Variants in ITPR2 observed in about 807,000 individuals in gnomAD.
The protein encoded by ITPR2 is inositol 1,4,5-trisphosphate-gated calcium channel ITPR2.
ITPR2 carries 207 observed loss-of-function variants against 317.1 expected under a neutral mutation model. The observed-to-expected ratio is 0.65, with a 90% confidence interval of 0.58 to 0.73. The LOEUF (loss-of-function observed/expected upper bound fraction) is 0.73. Ranked by LOEUF, ITPR2 falls within the 30% of genes least tolerant of loss-of-function variation. ITPR2 has a pLI of 0.00. For synonymous variants in ITPR2, 1,156 were observed against 1,149.1 expected (o/e 1.01, Z -0.12); for missense variants, 2,613 against 3,284.0 (o/e 0.80, Z 4.99).
intron 9 of ITPR2, among the ~76,000 whole-genome samples, chr12:26,710,144 G>A (rs904760010): frequency 3.3e-5 from 5 of 152,128 alleles, no homozygotes; most frequent in African/African-American, 1.2e-4. Context: ...TGAAGCAAGA[G>A]GATTGCTTGA....
rs1565624329 is a variant in ITPR2 at position 26,589,831 on chromosome 12, A to AAC, written c.4380+5632_4380+5633dup. On this transcript the variant is annotated intron_variant, in intron 32 of 56. Transcript: ENST00000381340. ...TAAAAAATAAATAAATAAATAAATAAACATATATATATATATATATATACA... is the reference window on the plus strand; with the variant it reads ...TAAAAAATAAATAAATAAATAAATAAACACATATATATATATATATATATACA... 1.6e-4 allele frequency among the ~76,000 whole-genome samples: 4 copies of AAC among 24,440 alleles called. 1 individual carries two copies. Among genetic ancestry groups the AAC allele is most frequent in the South Asian group, 1.4e-3 (1 of 736 alleles). 16.0% of individuals were successfully genotyped at this position (24,440 alleles called of 152,430 possible).
At chr12:26,400,279 A>T in intron 52 of ITPR2, 21 bp from the exon 53 acceptor site, 1 of 1,424,428 alleles carries the variant, frequency 7.0e-7, no homozygotes, top group Non-Finnish European at 9.5e-7. Context: ...ACATACAAAT[A>T]TATGATATAA....
chr12:26,738,559 A>G (rs2137077029), intron 2 of ITPR2, among the ~76,000 whole-genome samples: 1 of 151,890 alleles, frequency 6.6e-6, no homozygotes, highest in East Asian at 1.9e-4. Flanking sequence ...CTCTTCCTCT[A>G]TTTTTTAGCT....
At chr12:26,463,696 AAC>A (rs980052937) in intron 45 of ITPR2, among the ~76,000 whole-genome samples, 10 of 82,052 alleles carry the variant, frequency 1.2e-4, no homozygotes, top group African/African-American at 3.6e-4. Context: ...CAAACAAACA[AAC>A]AAAAAAAAAA....
intron 22 of ITPR2, among the ~76,000 whole-genome samples, chr12:26,630,446 GAA>G (rs201985913): frequency 4.2e-4 from 60 of 141,716 alleles, no homozygotes; most frequent in Admixed American, 1.9e-3. Context: ...TGATGGGGGG[GAA>G]AAAAAAAAAG....
intron 2 of ITPR2, among the ~76,000 whole-genome samples, chr12:26,746,449 C>A (rs985724025): frequency 1.3e-5 from 2 of 152,184 alleles, no homozygotes; most frequent in African/African-American, 4.8e-5. Context: ...CAATTTGCCA[C>A]TCTAAAACAT....
At chr12:26,586,282 C>A (rs1945525713) in intron 32 of ITPR2, among the ~76,000 whole-genome samples, 2 of 151,918 alleles carry the variant, frequency 1.3e-5, no homozygotes, top group African/African-American at 4.8e-5. Context: ...GTAGCTGGGA[C>A]TACAGGCATA....
chr12:26,733,742 G>A (rs1949067497), intron 2 of ITPR2, among the ~76,000 whole-genome samples: 1 of 152,106 alleles, frequency 6.6e-6, no homozygotes, highest in African/African-American at 2.4e-5. Flanking sequence ...AGCATTGATT[G>A]AGCAAGCCAC....
intron 55 of ITPR2, among the ~76,000 whole-genome samples, chr12:26,356,973 T>G (rs1938660453): frequency 6.6e-6 from 1 of 152,204 alleles, no homozygotes; most frequent in Non-Finnish European, 1.5e-5. Flanking sequence ...CATGTAAAAC[T>G]TGTTTCTAAT....
intron 47 of ITPR2, among the ~76,000 whole-genome samples, chr12:26,436,555 G>A (rs1565525869): frequency 1.3e-5 from 2 of 152,112 alleles, no homozygotes; most frequent in Non-Finnish European, 2.9e-5. Flanking sequence ...TCATCCTTCA[G>A]CCAGTTTAGG....
chr12:26,694,143 A>G (rs1228254525), intron 10 of ITPR2, among the ~76,000 whole-genome samples: 1 of 152,230 alleles, frequency 6.6e-6, no homozygotes, highest in Non-Finnish European at 1.5e-5. Flanking sequence ...TAGCAAGGCC[A>G]TACTGTTCTC....
chr12:26,709,450 A>G (rs1390556782), intron 9 of ITPR2, among the ~76,000 whole-genome samples: 1 of 152,200 alleles, frequency 6.6e-6, no homozygotes, highest in Non-Finnish European at 1.5e-5. Flanking sequence ...AATCTTTTCA[A>G]GGAATGATTT....
At chr12:26,722,359 T>C (rs201241358) in intron 5 of ITPR2, 38 bp downstream of exon 5, 5 of 1,530,518 alleles carry the variant, frequency 3.3e-6, no homozygotes, top group South Asian at 1.3e-5. Context: ...ATTTTCTTTA[T>C]GAACCCACTA....
rs181355463 is a variant in ITPR2, at chr12:26,762,225, C to T, written c.163+27932G>A. 6.4e-4 allele frequency among the ~76,000 whole-genome samples: 97 copies of T among 152,222 alleles called. 1 individual carries two copies. Among genetic ancestry groups the T allele is most frequent in the African/African-American group, 2.3e-3 (95 of 41,558 alleles). ...TTCCCTAATTTGGACAGGAAATGAA[C>T]ATCCAGATTCATGAATTCCAAATAA... is the stretch of plus-strand genomic sequence containing the variant. On this transcript the variant is annotated intron_variant, in intron 2 of 56. Transcript: ENST00000381340.
At chr12:26,404,848 A>AGAG (rs903221718) in intron 52 of ITPR2, among the ~76,000 whole-genome samples, 8 of 152,212 alleles carry the variant, frequency 5.3e-5, no homozygotes, top group African/African-American at 1.9e-4. Flanking sequence ...AAAAGAAGGG[A>AGAG]GAGGGCCAGG....
chr12:26,775,949 T>TATATATATATATATACACATAC (rs1949958024), intron 2 of ITPR2, among the ~76,000 whole-genome samples: 1 of 146,596 alleles, frequency 6.8e-6, no homozygotes. Context: ...TATATATATG[T>TATATATATATATATACACATAC]ATATGTATAT....
chr12:26,639,745 T>C (rs1946942781), intron 21 of ITPR2, among the ~76,000 whole-genome samples: 1 of 151,478 alleles, frequency 6.6e-6, no homozygotes, highest in African/African-American at 2.4e-5. Flanking sequence ...CTTGTGATAG[T>C]TTGCTGAGAA....
At chr12:26,822,494 G>A (rs1237866896) in intron 1 of ITPR2, among the ~76,000 whole-genome samples, 1 of 150,388 alleles carries the variant, frequency 6.6e-6, no homozygotes, top group Non-Finnish European at 1.5e-5. Flanking sequence ...GTTCTTAATA[G>A]TTCATTAAAA....
intron 26 of ITPR2, 21 bp downstream of exon 26, chr12:26,621,102 G>A (rs771998981): frequency 1.9e-5 from 31 of 1,600,312 alleles, no homozygotes; most frequent in East Asian, 6.7e-5. Context: ...GGAGTATTTC[G>A]AAATAGATCT....
Sources: gnomAD v4.1 joint callset for allele counts (sites outside exome capture counted in the v4.1 genomes callset) on GRCh38, gnomAD v4.1.1 for gene constraint, MANE v1.5 for transcripts, NCBI Gene and HGNC (gene_info 2026-07-23, HGNC 2026-07-21) for gene names.